CDH13: variants seen among roughly 807,000 people sequenced by gnomAD.
CDH13 encodes cadherin-13.
In CDH13, 24 loss-of-function variants were observed where a neutral mutation model predicts 63.8. The ratio of observed to expected loss-of-function variants is 0.38; its 90% CI spans 0.27 to 0.53. The LOEUF (loss-of-function observed/expected upper bound fraction) is 0.53, where lower values mean the gene tolerates loss of function less well. CDH13 is among the 20% of genes least tolerant of loss of function. The probability of loss-of-function intolerance (pLI) is 0.85; values close to 1 mark genes in which losing one functional copy is unlikely to be tolerated. For synonymous variants in CDH13, 503 were observed against 355.3 expected (o/e 1.42, Z -4.67); for missense variants, 1,049 against 903.1 (o/e 1.16, Z -2.07).
At chr16:82,937,381 CCTCTGTGT>C (rs1002223881) in intron 2 of CDH13, among the ~76,000 whole-genome samples, 4 of 151,868 alleles carry the variant, frequency 2.6e-5, no homozygotes, top group Admixed American at 1.3e-4. Context: ...TCTCTCTGTC[CCTCTGTGT>C]CTCTCTCTGT....
intron 5 of CDH13, among the ~76,000 whole-genome samples, chr16:83,328,668 T>A (rs2090421182): frequency 1.3e-5 from 2 of 151,962 alleles, no homozygotes; most frequent in Non-Finnish European, 2.9e-5. Flanking sequence ...CAGGTTGTAG[T>A]TTGAAGATAT....
Position 83,135,412 on chromosome 16 carries a change from C to A in CDH13, c.483+9911C>A, listed in dbSNP as rs531932415. 1.8e-3 allele frequency among the ~76,000 whole-genome samples: 268 copies of A among 152,294 alleles called. 2 individuals carry two copies. Among genetic ancestry groups the A allele is most frequent in the African/African-American group, 6.2e-3 (258 of 41,564 alleles). The stretch of plus-strand genomic sequence containing the variant: ...AATGGTCATTTGACTCTCATAAGTA[C>A]CCTCAGAAATCAATATTATGTCCCC... On this transcript the variant is annotated intron_variant, in intron 4 of 13. Coordinates refer to ENST00000567109, the MANE Select transcript of CDH13 (RefSeq NM_001257.5).
chr16:83,751,529 C>T (rs1913086366), intron 11 of CDH13, among the ~76,000 whole-genome samples: 1 of 152,164 alleles, frequency 6.6e-6, no homozygotes, highest in Non-Finnish European at 1.5e-5. Context: ...AGGAGGGAGG[C>T]ATTAGGCAGC....
intron 2 of CDH13, among the ~76,000 whole-genome samples, chr16:82,984,521 A>G (rs1910692885): frequency 6.6e-6 from 1 of 152,188 alleles, no homozygotes; most frequent in Non-Finnish European, 1.5e-5. Context: ...TCCTAAATTT[A>G]CTGAAATTAT....
At chr16:83,495,959 G>C (rs1287156936) in intron 7 of CDH13, among the ~76,000 whole-genome samples, 6 of 151,770 alleles carry the variant, frequency 4.0e-5, no homozygotes, top group Admixed American at 3.3e-4. Flanking sequence ...CAAGGGATGT[G>C]AAGGACCTCT....
intron 1 of CDH13, among the ~76,000 whole-genome samples, chr16:82,766,729 A>C (rs1347903141): frequency 6.6e-6 from 1 of 152,184 alleles, no homozygotes; most frequent in African/African-American, 2.4e-5. Flanking sequence ...ACATCTGATC[A>C]AATCCCCCAA....
chr16:83,046,445 A>G (rs35693067), intron 3 of CDH13, among the ~76,000 whole-genome samples: 3,378 of 152,340 alleles, frequency 0.022, 60 homozygotes, highest in Middle Eastern at 0.058. Flanking sequence ...AAGAAAAAGG[A>G]TAGAAAAAGA....
intron 5 of CDH13, among the ~76,000 whole-genome samples, 162 bp downstream of exon 5, chr16:83,217,659 C>A (rs564065588): frequency 4.8e-4 from 73 of 152,234 alleles, no homozygotes; most frequent in African/African-American, 1.7e-3. Context: ...TGAACCCTGA[C>A]AGGGCAACAG....
intron 8 of CDH13, among the ~76,000 whole-genome samples, chr16:83,603,556 A>G (rs1908050268): frequency 6.6e-6 from 1 of 152,194 alleles, no homozygotes. Context: ...CTGCAGTCCT[A>G]ACTGTGATGC....
At chr16:82,775,076 A>C (rs186632789) in intron 1 of CDH13, among the ~76,000 whole-genome samples, 2 of 152,336 alleles carry the variant, frequency 1.3e-5, no homozygotes, top group Admixed American at 6.5e-5. Flanking sequence ...GGGTATGGTG[A>C]ACAGGAGATG....
chr16:82,698,941 T>G (rs1396654718), intron 1 of CDH13, among the ~76,000 whole-genome samples: 2 of 152,298 alleles, frequency 1.3e-5, no homozygotes, highest in African/African-American at 4.8e-5. Flanking sequence ...TTAATAATCC[T>G]TTAAAAATGT....
At chr16:83,227,031 C>T (rs937328517) in intron 5 of CDH13, among the ~76,000 whole-genome samples, 4 of 152,222 alleles carry the variant, frequency 2.6e-5, no homozygotes, top group African/African-American at 9.7e-5. Context: ...GGTTGTCCTC[C>T]TACGCTGGGA....
In CDH13 at chr16:82,986,675, C is replaced by G. The variant is rs532282838; in HGVS notation, c.158-45335C>G. On this transcript the variant is annotated intron_variant, in intron 2 of 13. Transcript: ENST00000567109. ...AATGAAAGAGGCAAGTCCAACCACACAAACATATCTCAAGCCTTTGCTTGA... is the reference window on the plus strand; with the variant it reads ...AATGAAAGAGGCAAGTCCAACCACAGAAACATATCTCAAGCCTTTGCTTGA... 3.9e-5 allele frequency among the ~76,000 whole-genome samples: 6 copies of G among 152,308 alleles called. No homozygotes were observed. In the South Asian group the frequency reaches 1.0e-3, roughly 26 times the overall value.
intron 1 of CDH13, among the ~76,000 whole-genome samples, chr16:82,699,524 T>C (rs1303512849): frequency 6.6e-6 from 1 of 152,214 alleles, no homozygotes; most frequent in Non-Finnish European, 1.5e-5. Context: ...TGGCCACCCT[T>C]AATGCGTGTC....
chr16:82,773,917 G>A (rs1251065657), intron 1 of CDH13, among the ~76,000 whole-genome samples: 1 of 151,872 alleles, frequency 6.6e-6, no homozygotes, highest in Non-Finnish European at 1.5e-5. Context: ...CCAAGTAGCT[G>A]GGATTACAGC....
intron 2 of CDH13, among the ~76,000 whole-genome samples, chr16:82,899,627 T>C (rs968435558): frequency 3.3e-5 from 5 of 152,134 alleles, no homozygotes; most frequent in African/African-American, 1.2e-4. Context: ...TTGCGTGTTT[T>C]GGAGTATGCA....
intron 7 of CDH13, among the ~76,000 whole-genome samples, chr16:83,596,854 C>A (rs1247648232): frequency 6.6e-6 from 1 of 152,102 alleles, no homozygotes; most frequent in African/African-American, 2.4e-5. Context: ...CTTGTGAAAG[C>A]AATAATGTTC....
At chr16:83,572,312 G>T (rs114569789) in intron 7 of CDH13, among the ~76,000 whole-genome samples, 2 of 151,726 alleles carry the variant, frequency 1.3e-5, no homozygotes, top group Non-Finnish European at 2.9e-5. Context: ...TCAGCCTCCC[G>T]AGTAGCTGGG....
chr16:83,083,477 T>C (rs1362753783), intron 3 of CDH13, among the ~76,000 whole-genome samples: 2 of 152,200 alleles, frequency 1.3e-5, no homozygotes, highest in African/African-American at 4.8e-5. Context: ...CCCCATGTTA[T>C]GCATATGGAA....
Sources: gnomAD v4.1 joint callset for allele counts (sites outside exome capture counted in the v4.1 genomes callset) on GRCh38, gnomAD v4.1.1 for gene constraint, MANE v1.5 for transcripts, NCBI Gene and HGNC (gene_info 2026-07-23, HGNC 2026-07-21) for gene names.